USO1: variants seen among roughly 807,000 people sequenced by gnomAD.
USO1 encodes USO1 vesicle transport factor.
USO1 carries 57 observed loss-of-function variants against 124.5 expected under a neutral mutation model. That is an observed-to-expected ratio of 0.46 (90% confidence interval 0.37 to 0.57). USO1 has a LOEUF of 0.57. Ranked by LOEUF, USO1 falls within the 20% of genes least tolerant of loss-of-function variation. The probability of loss-of-function intolerance (pLI) is 0.00; values close to 1 mark genes in which losing one functional copy is unlikely to be tolerated. For synonymous variants in USO1, 369 were observed against 362.8 expected (o/e 1.02, Z -0.19); for missense variants, 900 against 1,040.6 (o/e 0.86, Z 1.86).
At chr4:75,751,372 C>G (rs916367194) in intron 1 of USO1, among the ~76,000 whole-genome samples, 1 of 149,668 alleles carries the variant, frequency 6.7e-6, no homozygotes, top group Admixed American at 6.6e-5. Flanking sequence ...CCACCATGCC[C>G]GGCTAATTTT....
intron 4 of USO1, among the ~76,000 whole-genome samples, chr4:75,760,140 A>C (rs1180801042): frequency 1.3e-5 from 2 of 152,064 alleles, no homozygotes; most frequent in African/African-American, 4.8e-5. Context: ...TGAACCCGGG[A>C]GGCGGAGGTT....
chr4:75,761,586 TGAC>T (rs985050384), intron 4 of USO1, among the ~76,000 whole-genome samples: 1 of 152,228 alleles, frequency 6.6e-6, no homozygotes, highest in Non-Finnish European at 1.5e-5. Flanking sequence ...TTTTAGTTAC[TGAC>T]ATTTCTTACC....
chr4:75,805,709 T>TA lies in USO1; in HGVS notation c.2289+423dup, dbSNP rs74838987. On this transcript the variant is annotated intron_variant, in intron 19 of 23. Transcript: ENST00000514213. Reference sequence around the variant, plus strand: ...GTGCGACAGAGGGAGACTTTCCATCTAAAAAAAAAAAAAAAAAGATTTTAC... The same window carrying TA: ...GTGCGACAGAGGGAGACTTTCCATCTAAAAAAAAAAAAAAAAAAGATTTTAC... 3.8e-3 allele frequency among the ~76,000 whole-genome samples: 449 copies of TA among 117,786 alleles called. 2 individuals are homozygous for TA. Among genetic ancestry groups the TA allele is most frequent in the South Asian group, 0.02 (72 of 3,582 alleles). 77.3% of individuals were successfully genotyped at this position (117,786 alleles called of 152,430 possible).
chr4:75,771,618 T>C (rs1036974696), intron 7 of USO1, among the ~76,000 whole-genome samples: 2 of 152,226 alleles, frequency 1.3e-5, no homozygotes, highest in Admixed American at 1.3e-4. Flanking sequence ...CCTCCAGACA[T>C]TGAACTGTGT....
chr4:75,780,014 C>G (rs766323373), intron 8 of USO1, among the ~76,000 whole-genome samples: 17 of 152,072 alleles, frequency 1.1e-4, no homozygotes, highest in Non-Finnish European at 1.9e-4. Flanking sequence ...TCCTAGGACC[C>G]TTAAGAAATA....
chr4:75,782,676 C>G lies in USO1; in HGVS notation c.677-4C>G, dbSNP rs769549651. ...AACGCTTGTGTTTTACATTATTTCC[C>G]CAGGTATAGTAGTTGAAGATTGTTT... On this transcript the variant is annotated splice_region_variant and splice_polypyrimidine_tract_variant and intron_variant, in intron 8 of 23. Coordinates refer to ENST00000514213, the MANE Select transcript of USO1 (RefSeq NM_003715.4). The G allele has an allele frequency of 3.2e-6, 5 of 1,540,528 alleles. No homozygotes were observed. Among genetic ancestry groups the G allele is most frequent in the Non-Finnish European group, 4.4e-6 (5 of 1,146,618 alleles).
intron 21 of USO1, 142 bp from the exon 22 acceptor site, chr4:75,810,290 T>G: frequency 1.1e-6 from 1 of 926,250 alleles, no homozygotes; most frequent in South Asian, 2.2e-5. Flanking sequence ...GAGCACTTTG[T>G]TGCACATAAA....
At chr4:75,792,862 T>C (rs931960690) in intron 12 of USO1, among the ~76,000 whole-genome samples, 2 of 152,138 alleles carry the variant, frequency 1.3e-5, no homozygotes, top group Non-Finnish European at 2.9e-5. Flanking sequence ...ATAACCACCT[T>C]TCTAATCTCT....
Position 75,787,234 on chromosome 4 carries a change from G to A in USO1, c.996+32G>A, listed in dbSNP as rs368281033. On this transcript the variant is annotated intron_variant, in intron 10 of 23. Transcript: ENST00000514213. ...CAAATGAAGTCAAAGCCAACTCTGT[G>A]GAAGTTGAAATCCTGAATCCTAGGA... 23 of 1,428,570 alleles carry A rather than the reference G, an allele frequency of 1.6e-5. No individual in the cohort carries two copies. In the African/African-American group the frequency reaches 2.1e-4, roughly 13 times the overall value. 88.5% of individuals were successfully genotyped at this position (1,428,570 alleles called of 1,614,324 possible). A position where few individuals can be genotyped will look rare whatever the true frequency, so the allele number is the denominator to read the frequency against.
intron 4 of USO1, among the ~76,000 whole-genome samples, chr4:75,763,159 T>A (rs895886167): frequency 6.6e-6 from 1 of 152,214 alleles, no homozygotes; most frequent in Non-Finnish European, 1.5e-5. Context: ...GAAAAAGTAC[T>A]ACTAGAAATA....
chr4:75,777,140 T>C (rs1409848822), intron 8 of USO1, among the ~76,000 whole-genome samples: 1 of 152,218 alleles, frequency 6.6e-6, no homozygotes, highest in Non-Finnish European at 1.5e-5. Context: ...ACAGCTATAT[T>C]TTTAGTGACG....
intron 1 of USO1, among the ~76,000 whole-genome samples, chr4:75,744,214 C>G (rs1308310178): frequency 1.3e-5 from 2 of 152,112 alleles, no homozygotes; most frequent in African/African-American, 4.8e-5. Context: ...CTTGGCCCCC[C>G]CATAAGTGTG....
intron 1 of USO1, among the ~76,000 whole-genome samples, chr4:75,725,440 G>A (rs1161986685): frequency 6.6e-6 from 1 of 152,184 alleles, no homozygotes; most frequent in Non-Finnish European, 1.5e-5. Context: ...AACTGGAAGA[G>A]CGGTCGTTCT....
At chr4:75,774,854 G>A (rs941212471) in intron 8 of USO1, 58 bp downstream of exon 8, 1 of 1,554,276 alleles carries the variant, frequency 6.4e-7, no homozygotes, top group African/African-American at 1.4e-5. Context: ...ACTTGTTAGG[G>A]TATAGGGAAT....
At chr4:75,750,889 C>G in intron 1 of USO1, among the ~76,000 whole-genome samples, 1 of 152,226 alleles carries the variant, frequency 6.6e-6, no homozygotes, top group East Asian at 1.9e-4. Flanking sequence ...TTTTAGGTTT[C>G]CAAATTCTTT....
At chr4:75,748,923 CTAAG>C (rs1361275416) in intron 1 of USO1, among the ~76,000 whole-genome samples, 2 of 150,982 alleles carry the variant, frequency 1.3e-5, no homozygotes, top group African/African-American at 4.9e-5. Flanking sequence ...TAAGAGATAA[CTAAG>C]TAGTTTTTCT....
chr4:75,776,967 A>G (rs1163875052), intron 8 of USO1, among the ~76,000 whole-genome samples: 3 of 152,320 alleles, frequency 2.0e-5, no homozygotes, highest in African/African-American at 4.8e-5. Context: ...TACCTTGAAT[A>G]TGGGTATGCT....
chr4:75,812,016 ACCT>A, intron 22 of USO1, 141 bp from the exon 23 acceptor site: 1 of 1,216,254 alleles, frequency 8.2e-7, no homozygotes, highest in South Asian at 1.5e-5. Context: ...TGTGTGTTAA[ACCT>A]CCTGTACCCT....
intron 8 of USO1, among the ~76,000 whole-genome samples, chr4:75,778,907 A>G (rs755998021): frequency 6.6e-5 from 10 of 152,186 alleles, no homozygotes; most frequent in African/African-American, 1.2e-4. Flanking sequence ...CCCAGGGAAT[A>G]TGTTTTTTAC....
Sources: allele counts gnomAD v4.1 joint callset (sites outside exome capture counted in the v4.1 genomes callset), GRCh38; gene constraint gnomAD v4.1.1; transcripts MANE v1.5; gene names NCBI Gene and HGNC (gene_info 2026-07-23, HGNC 2026-07-21).